The following KCNIP4 variants were observed in gnomAD, a reference collection of about 807,000 sequenced individuals.
KCNIP4 encodes Kv channel-interacting protein 4.
KCNIP4 carries 12 observed loss-of-function variants against 34.0 expected under a neutral mutation model. The observed-to-expected ratio is 0.35, with a 90% confidence interval of 0.23 to 0.57. KCNIP4 has a LOEUF of 0.57. Ranked by LOEUF, KCNIP4 falls within the 20% of genes least tolerant of loss-of-function variation. The pLI, the probability that KCNIP4 is intolerant of heterozygous loss-of-function variation, is 0.83. For missense variants in KCNIP4, 238 were observed against 311.7 expected, an observed-to-expected ratio of 0.76 and a Z score of 1.78; for synonymous variants, 124 against 102.2, an observed-to-expected ratio of 1.21 and a Z score of -1.29.
intron 1 of KCNIP4, among the ~76,000 whole-genome samples, chr4:21,345,690 A>G (rs548085294): frequency 6.6e-6 from 1 of 152,088 alleles, no homozygotes; most frequent in Non-Finnish European, 1.5e-5. Context: ...CTCCTCACCA[A>G]ATCACCTCAA....
At chr4:20,967,433 A>G (rs185876169) in intron 1 of KCNIP4, among the ~76,000 whole-genome samples, 304 of 152,298 alleles carry the variant, frequency 2.0e-3, no homozygotes, top group African/African-American at 6.8e-3. Flanking sequence ...AAACTACTTT[A>G]AAGTTCATAT....
intron 1 of KCNIP4, among the ~76,000 whole-genome samples, chr4:21,895,233 A>G (rs191064201): frequency 6.6e-6 from 1 of 152,330 alleles, no homozygotes; most frequent in East Asian, 1.9e-4. Flanking sequence ...GCAAAGGTCT[A>G]GAAAGATGAG....
intron 1 of KCNIP4, chr4:21,843,975 T>G (rs2109324467): frequency 6.6e-6 from 1 of 152,230 alleles, no homozygotes; most frequent in Non-Finnish European, 1.5e-5. Context: ...CAACATTTGT[T>G]AATTGCCCCT....
At chr4:20,763,816 C>T (rs1247192019) in intron 3 of KCNIP4, among the ~76,000 whole-genome samples, 2 of 152,092 alleles carry the variant, frequency 1.3e-5, no homozygotes, top group African/African-American at 2.4e-5. Flanking sequence ...CCTTGGCCTG[C>T]CAAAGTGCTG....
intron 1 of KCNIP4, among the ~76,000 whole-genome samples, chr4:21,542,274 T>C (rs1051319704): frequency 1.3e-5 from 2 of 152,122 alleles, no homozygotes; most frequent in Admixed American, 6.6e-5. Context: ...TCCCCAACTC[T>C]GGAAGAACAG....
chr4:21,083,580 C>T (rs1275043904), intron 1 of KCNIP4, among the ~76,000 whole-genome samples: 1 of 151,610 alleles, frequency 6.6e-6, no homozygotes, highest in African/African-American at 2.4e-5. Context: ...GCAATGAGAT[C>T]ACTGAGTCAG....
chr4:21,022,249 G>A (rs1740139862), intron 1 of KCNIP4, among the ~76,000 whole-genome samples: 2 of 152,124 alleles, frequency 1.3e-5, no homozygotes, highest in African/African-American at 4.8e-5. Flanking sequence ...TGACACTCCT[G>A]ACCATAGAAG....
intron 1 of KCNIP4, among the ~76,000 whole-genome samples, chr4:21,056,937 G>C (rs1743459937): frequency 6.6e-6 from 1 of 152,054 alleles, no homozygotes; most frequent in African/African-American, 2.4e-5. Flanking sequence ...CTCAGCCTAA[G>C]GTCTGACTGA....
intron 1 of KCNIP4, among the ~76,000 whole-genome samples, chr4:21,583,186 T>G (rs180694316): frequency 1.1e-4 from 16 of 152,048 alleles, no homozygotes; most frequent in African/African-American, 3.9e-4. Flanking sequence ...AATTAAGCAT[T>G]ATGAACAATT....
At chr4:21,228,748 C>T (rs559778465) in intron 1 of KCNIP4, among the ~76,000 whole-genome samples, 86 of 152,074 alleles carry the variant, frequency 5.7e-4, no homozygotes, top group Middle Eastern at 3.2e-3. Flanking sequence ...CTAGTGTTCT[C>T]CTCCCTTCCA....
intron 4 of KCNIP4, among the ~76,000 whole-genome samples, chr4:20,758,615 C>A (rs6447982): frequency 0.34 from 51,068 of 152,034 alleles, 9,121 homozygotes; most frequent in African/African-American, 0.44. Context: ...TTGTATTAAA[C>A]TAAAGAGCAG....
chr4:21,868,358 A>G (rs913046015), intron 1 of KCNIP4, among the ~76,000 whole-genome samples: 1 of 152,210 alleles, frequency 6.6e-6, no homozygotes. Flanking sequence ...CCCCATAAAT[A>G]TGTACAACTT....
chr4:21,582,470 G>T (rs1274350149), intron 1 of KCNIP4: 1 of 151,814 alleles, frequency 6.6e-6, no homozygotes, highest in Non-Finnish European at 1.5e-5. Flanking sequence ...TTCAATAATA[G>T]AAATAAATAT....
chr4:20,866,208 T>C (rs1015665468), intron 2 of KCNIP4, among the ~76,000 whole-genome samples: 3 of 151,802 alleles, frequency 2.0e-5, no homozygotes, highest in Non-Finnish European at 4.4e-5. Context: ...CAACCAAAAA[T>C]GAAAATTTCA....
In KCNIP4 at chr4:21,634,188, T is replaced by A. The variant is rs1167675248; in HGVS notation, c.61+314383A>T. On this transcript the variant is annotated intron_variant, in intron 1 of 8. Transcript: ENST00000382152. ...TTACTATGTTATCCACTATGTAGTA[T>A]TTAAAATTCTTAGGAAAGCTACGGG... Among the ~76,000 whole-genome samples the A allele has an allele frequency of 2.0e-5, 3 of 147,726 alleles. No individual in the cohort carries two copies. The East Asian group carries it at 5.9e-4, about 29-fold the overall frequency.
chr4:21,388,832 T>C (rs1003920643), intron 1 of KCNIP4, among the ~76,000 whole-genome samples: 1 of 152,178 alleles, frequency 6.6e-6, no homozygotes, highest in African/African-American at 2.4e-5. Context: ...CAGTAAATCA[T>C]TTCTTTTTAT....
intron 1 of KCNIP4, among the ~76,000 whole-genome samples, chr4:21,542,951 G>C (rs1307782751): frequency 6.6e-6 from 1 of 151,786 alleles, no homozygotes; most frequent in Non-Finnish European, 1.5e-5. Context: ...GAAGTAAACT[G>C]TTCAATGAAT....
chr4:21,398,856 C>G (rs1338996414), intron 1 of KCNIP4, among the ~76,000 whole-genome samples: 1 of 152,202 alleles, frequency 6.6e-6, no homozygotes, highest in South Asian at 2.1e-4. Context: ...TAAGAAATCA[C>G]TTATTTACTA....
chr4:21,233,128 A>C (rs1346089354), intron 1 of KCNIP4, among the ~76,000 whole-genome samples: 1 of 152,192 alleles, frequency 6.6e-6, no homozygotes, highest in Non-Finnish European at 1.5e-5. Flanking sequence ...GTGTTAGCCA[A>C]ACTGGCCTGA....
Sources: gnomAD v4.1 joint callset for allele counts (sites outside exome capture counted in the v4.1 genomes callset) on GRCh38, gnomAD v4.1.1 for gene constraint, MANE v1.5 for transcripts, NCBI Gene and HGNC (gene_info 2026-07-23, HGNC 2026-07-21) for gene names.